SOX5: variants seen among roughly 807,000 people sequenced by gnomAD.
SOX5 encodes transcription factor SOX-5.
SOX5 carries 9 observed loss-of-function variants against 92.0 expected under a neutral mutation model. That is an observed-to-expected ratio of 0.10 (90% CI 0.06 to 0.17). SOX5 has a LOEUF of 0.17. SOX5 is among the 10% of genes least tolerant of loss of function. SOX5 has a pLI of 1.00. For missense variants in SOX5, 642 were observed against 944.5 expected (o/e 0.68, Z 4.20); for synonymous variants, 344 against 336.3 (o/e 1.02, Z -0.25).
Position 23,690,799 on chromosome 12 carries a change from T to C in SOX5, c.811-25235A>G, listed in dbSNP as rs369066218. Among the ~76,000 whole-genome samples the C allele has an allele frequency of 1.7e-4, 26 of 152,302 alleles. No homozygotes were observed. In the East Asian group the frequency reaches 2.9e-3, roughly 17 times the overall value. On this transcript the variant is annotated intron_variant, in intron 6 of 14. Coordinates refer to ENST00000451604, the MANE Select transcript of SOX5 (RefSeq NM_006940.6). Reference sequence around the variant, plus strand: ...TTACACACACCAGCTTGACAGGATCTCAATGGCTTTCTCATTTTAGTCACT... The same window carrying C: ...TTACACACACCAGCTTGACAGGATCCCAATGGCTTTCTCATTTTAGTCACT...
At chr12:24,104,201 T>C (rs1361981232) in intron 4 of SOX5, among the ~76,000 whole-genome samples, 2 of 152,156 alleles carry the variant, frequency 1.3e-5, no homozygotes, top group Non-Finnish European at 2.9e-5. Context: ...AATGAAAAAT[T>C]TACATGTTGA....
At chr12:24,388,322 A>G (rs1355667592) in intron 1 of SOX5, among the ~76,000 whole-genome samples, 1 of 152,160 alleles carries the variant, frequency 6.6e-6, no homozygotes, top group African/African-American at 2.4e-5. Context: ...CATGGATCAC[A>G]TCAAAAGACG....
chr12:23,799,550 AC>A (rs1424167145), intron 3 of SOX5, among the ~76,000 whole-genome samples: 1 of 152,062 alleles, frequency 6.6e-6, no homozygotes, highest in African/African-American at 2.4e-5. Flanking sequence ...TGATAAAGCA[AC>A]CAATATCCGA....
intron 4 of SOX5, among the ~76,000 whole-genome samples, chr12:24,107,955 T>C (rs1946872855): frequency 6.6e-6 from 1 of 152,180 alleles, no homozygotes; most frequent in Admixed American, 6.5e-5. Flanking sequence ...AGGCTGCAAA[T>C]ACGTGTGGCA....
At chr12:23,666,726 T>C (rs2083869772) in intron 6 of SOX5, among the ~76,000 whole-genome samples, 1 of 152,190 alleles carries the variant, frequency 6.6e-6, no homozygotes, top group South Asian at 2.1e-4. Context: ...GCAGTAGAGA[T>C]GCAATAGTGA....
At chr12:23,885,843 A>G (rs1028889219) in intron 2 of SOX5, among the ~76,000 whole-genome samples, 3 of 150,640 alleles carry the variant, frequency 2.0e-5, no homozygotes, top group Non-Finnish European at 4.4e-5. Context: ...TACAGGGGAA[A>G]AAAAATTGCT....
chr12:23,571,966 T>C (rs911453143), intron 10 of SOX5, among the ~76,000 whole-genome samples: 12 of 152,188 alleles, frequency 7.9e-5, no homozygotes, highest in African/African-American at 2.9e-4. Context: ...ATATGTTCGA[T>C]ATAGGTGGAA....
At chr12:24,012,762 A>G (rs951613615) in intron 4 of SOX5, among the ~76,000 whole-genome samples, 3 of 152,172 alleles carry the variant, frequency 2.0e-5, no homozygotes, top group Non-Finnish European at 2.9e-5. Context: ...GCAGAATATT[A>G]GAGGTTACAT....
chr12:23,763,589 A>C lies in SOX5; in HGVS notation c.482-7865T>G, dbSNP rs114004036. On this transcript the variant is annotated intron_variant, in intron 3 of 14. Coordinates refer to ENST00000451604, the MANE Select transcript of SOX5 (RefSeq NM_006940.6). ...GAAGGACTGGGGAGGTGCCACTTCT[A>C]TTAAGTTAATGTATAAAACGCCCGT... Among the ~76,000 whole-genome samples, 1,269 of 152,236 alleles carry C rather than the reference A, an allele frequency of 8.3e-3. 28 individuals are homozygous for C. Among genetic ancestry groups the C allele is most frequent in the African/African-American group, 0.028 (1,175 of 41,560 alleles).
chr12:23,964,076 T>C (rs1442546298), intron 4 of SOX5, among the ~76,000 whole-genome samples: 1 of 152,112 alleles, frequency 6.6e-6, no homozygotes, highest in East Asian at 1.9e-4. Context: ...AAGGTGGGAA[T>C]AGTGTTCCAC....
intron 3 of SOX5, among the ~76,000 whole-genome samples, chr12:24,252,409 A>G (rs1053954879): frequency 6.6e-6 from 1 of 152,170 alleles, no homozygotes; most frequent in African/African-American, 2.4e-5. Flanking sequence ...GGTAATTGGT[A>G]GCCTTAAGCA....
intron 6 of SOX5, among the ~76,000 whole-genome samples, chr12:23,720,278 A>G (rs1019207992): frequency 6.6e-6 from 1 of 152,220 alleles, no homozygotes; most frequent in African/African-American, 2.4e-5. Context: ...ACTGTGAATG[A>G]GCAGTATTTT....
intron 3 of SOX5, among the ~76,000 whole-genome samples, chr12:23,820,545 T>C (rs2096088007): frequency 6.6e-6 from 1 of 152,244 alleles, no homozygotes; most frequent in Admixed American, 6.5e-5. Flanking sequence ...TCTAGGGCTT[T>C]AATGATTTTA....
chr12:23,758,878 C>T (rs527795453), intron 3 of SOX5, among the ~76,000 whole-genome samples: 13 of 151,868 alleles, frequency 8.6e-5, no homozygotes, highest in East Asian at 3.9e-4. Flanking sequence ...CACCATGGGA[C>T]GATGCAGCAA....
At chr12:24,060,494 AT>A (rs907931925) in intron 4 of SOX5, among the ~76,000 whole-genome samples, 1 of 152,272 alleles carries the variant, frequency 6.6e-6, no homozygotes, top group African/African-American at 2.4e-5. Context: ...AAGTTCTTAC[AT>A]TTTTTAAGTA....
intron 1 of SOX5, among the ~76,000 whole-genome samples, chr12:23,903,575 C>G (rs939824704): frequency 1.3e-5 from 2 of 151,938 alleles, no homozygotes; most frequent in African/African-American, 4.8e-5. Flanking sequence ...AAAGTGAGAC[C>G]CTGTCTCAAA....
intron 2 of SOX5, among the ~76,000 whole-genome samples, chr12:24,296,930 G>GACACAC (rs34848004): frequency 4.0e-5 from 6 of 148,200 alleles, no homozygotes; most frequent in African/African-American, 1.5e-4. Flanking sequence ...TAGACAGACA[G>GACACAC]ACACACACAC....
chr12:23,608,963 G>C (rs2137667622), intron 8 of SOX5, among the ~76,000 whole-genome samples: 1 of 152,274 alleles, frequency 6.6e-6, no homozygotes, highest in South Asian at 2.1e-4. Flanking sequence ...AAAACAATGA[G>C]ACTATAAGTA....
intron 4 of SOX5, among the ~76,000 whole-genome samples, chr12:24,007,001 C>T (rs924614257): frequency 3.3e-5 from 5 of 150,832 alleles, no homozygotes; most frequent in African/African-American, 7.3e-5. Flanking sequence ...GGCATGATGA[C>T]GCATGTCTGT....
Sources: allele counts gnomAD v4.1 joint callset (sites outside exome capture counted in the v4.1 genomes callset), GRCh38; gene constraint gnomAD v4.1.1; transcripts MANE v1.5; gene names NCBI Gene and HGNC (gene_info 2026-07-23, HGNC 2026-07-21).